Variants in ITFG1 observed in about 807,000 individuals in gnomAD.
ITFG1 encodes the protein integrin alpha FG-GAP repeat containing 1, also known as T-cell immunomodulatory protein.
In ITFG1, 34 loss-of-function variants were observed where a neutral mutation model predicts 81.8. The observed-to-expected ratio is 0.42, with a 90% confidence interval of 0.32 to 0.55. The LOEUF (loss-of-function observed/expected upper bound fraction) is 0.55, where lower values mean the gene tolerates loss of function less well. ITFG1 is among the 20% of genes least tolerant of loss of function. ITFG1 has a pLI of 0.17. For synonymous variants in ITFG1, 285 were observed against 270.6 expected, an observed-to-expected ratio of 1.05 and a Z score of -0.52; for missense variants, 672 against 755.4, an observed-to-expected ratio of 0.89 and a Z score of 1.29.
rs201910140 is a variant in ITFG1, at chr16:47,313,691, T to TA, written c.897+37dup. 6,941 of 1,119,416 alleles carry TA rather than the reference T, an allele frequency of 6.2e-3. 29 individuals are homozygous for TA. Among genetic ancestry groups the TA allele is most frequent in the African/African-American group, 0.024 (1,476 of 62,672 alleles). The allele number at this position is 1,119,416 out of a possible 1,614,324, so 69.3% of individuals were successfully genotyped here. On this transcript the variant is annotated intron_variant, in intron 9 of 17. Transcript: ENST00000320640. ...CTTAGAAGATTTTTTTCCAAGCACA[T>TA]AAAAAAAAATGTTTACATTAAAAAC...
intron 10 of ITFG1, among the ~76,000 whole-genome samples, chr16:47,281,573 C>CAATGAAATA (rs1028333485): frequency 6.6e-6 from 1 of 152,152 alleles, no homozygotes; most frequent in African/African-American, 2.4e-5. Flanking sequence ...ACAATGGTTC[C>CAATGAAATA]TATGATCTAT....
At chr16:47,319,649 C>T (rs1041774709) in intron 8 of ITFG1, among the ~76,000 whole-genome samples, 2 of 152,158 alleles carry the variant, frequency 1.3e-5, no homozygotes, top group East Asian at 3.9e-4. Context: ...GTGAAACTGA[C>T]CACGTTTCTT....
chr16:47,346,047 A>G (rs1967850332), intron 8 of ITFG1, among the ~76,000 whole-genome samples: 1 of 152,206 alleles, frequency 6.6e-6, no homozygotes, highest in Non-Finnish European at 1.5e-5. Flanking sequence ...AGAACTTTCC[A>G]TCCAATGGCA....
At chr16:47,413,756 A>G (rs1362805386) in intron 6 of ITFG1, among the ~76,000 whole-genome samples, 12 of 152,160 alleles carry the variant, frequency 7.9e-5, no homozygotes, top group Admixed American at 6.5e-4. Context: ...ATCAAATAAA[A>G]TATCATTTGA....
Position 47,282,745 on chromosome 16 carries a change from C to T in ITFG1, c.1071-22050G>A, listed in dbSNP as rs373675564. On this transcript the variant is annotated intron_variant, in intron 10 of 17. Transcript: ENST00000320640. ...AAGTGGCCCCTTTTCTCCACATCCT[C>T]GCCAACATGTTGTTTTTTGACTTAA... Among the ~76,000 whole-genome samples, 87 of 152,240 alleles carry T rather than the reference C, an allele frequency of 5.7e-4. No homozygotes were observed. The Middle Eastern group carries it at 0.02, about 36-fold the overall frequency.
At chr16:47,227,697 A>G (rs1363730126) in intron 13 of ITFG1, among the ~76,000 whole-genome samples, 1 of 152,164 alleles carries the variant, frequency 6.6e-6, no homozygotes, top group Non-Finnish European at 1.5e-5. Context: ...GGGCTCCTAT[A>G]GTGGAGCGCA....
chr16:47,191,465 ATTC>A (rs796259929), intron 14 of ITFG1, among the ~76,000 whole-genome samples: 20 of 152,028 alleles, frequency 1.3e-4, no homozygotes, highest in African/African-American at 3.9e-4. Flanking sequence ...GCCCAAGACA[ATTC>A]TTCTTCTTCC....
At chr16:47,360,393 A>G (rs1263375642) in intron 8 of ITFG1, among the ~76,000 whole-genome samples, 1 of 152,146 alleles carries the variant, frequency 6.6e-6, no homozygotes, top group African/African-American at 2.4e-5. Flanking sequence ...CTAGTGTTCA[A>G]TGTCCCTTTT....
intron 12 of ITFG1, 75 bp downstream of exon 12, chr16:47,258,557 T>C (rs760185625): frequency 1.4e-5 from 10 of 726,296 alleles, no homozygotes; most frequent in Non-Finnish European, 2.2e-5. Context: ...CATCGGAGCA[T>C]GTCCTTGCTC....
chr16:47,377,733 G>A (rs1968345233), intron 6 of ITFG1, among the ~76,000 whole-genome samples: 3 of 152,116 alleles, frequency 2.0e-5, no homozygotes, highest in Admixed American at 1.3e-4. Flanking sequence ...TCACGGCAGT[G>A]ATTACAACCT....
In ITFG1 at chr16:47,311,371, G is replaced by A; in HGVS notation, c.939C>T (p.Leu313=). 6.2e-7 allele frequency: 1 copy of A among 1,613,658 alleles called. No homozygotes were observed. Among genetic ancestry groups the A allele is most frequent in the Non-Finnish European group, 8.5e-7 (1 of 1,179,712 alleles). The part of the protein sequence containing the change: ...VLQDFSNKGT[L]WGFVPFVDEQ... Reference sequence around the variant, plus strand: ...CATCCACAAATGGCACAAAGCCCCAGAGTGTGCCCTTATTGCTGAAATCTT... The same window carrying A: ...CATCCACAAATGGCACAAAGCCCCAAAGTGTGCCCTTATTGCTGAAATCTT... The change falls in exon 10 of 18, where the codon CTC becomes CTT. Residue 313 remains leucine, a synonymous_variant. Transcript: ENST00000320640.
intron 12 of ITFG1, among the ~76,000 whole-genome samples, chr16:47,257,013 C>G (rs1217274692): frequency 6.6e-6 from 1 of 152,194 alleles, no homozygotes. Context: ...TAATATGATA[C>G]AAAGCATCTA....
At chr16:47,235,422 G>C (rs750147948) in intron 13 of ITFG1, among the ~76,000 whole-genome samples, 10 of 152,202 alleles carry the variant, frequency 6.6e-5, no homozygotes, top group Admixed American at 1.3e-4. Context: ...GCTGTGGTCA[G>C]AGTTGGATAA....
intron 6 of ITFG1, among the ~76,000 whole-genome samples, chr16:47,416,963 A>C (rs780710094): frequency 8.5e-5 from 13 of 152,246 alleles, no homozygotes; most frequent in Non-Finnish European, 7.3e-5. Flanking sequence ...TAGCGGGACT[A>C]CTGCTTACTA....
intron 14 of ITFG1, among the ~76,000 whole-genome samples, chr16:47,198,682 C>A (rs773604661): frequency 9.2e-5 from 14 of 152,084 alleles, no homozygotes; most frequent in Non-Finnish European, 1.9e-4. Context: ...GTGTTTATTG[C>A]CCCTGAAGAC....
intron 13 of ITFG1, among the ~76,000 whole-genome samples, chr16:47,236,512 G>A (rs537493112): frequency 1.2e-4 from 18 of 149,674 alleles, no homozygotes; most frequent in African/African-American, 4.4e-4. Flanking sequence ...CACCTGCCTT[G>A]GCTATACAGC....
intron 6 of ITFG1, among the ~76,000 whole-genome samples, chr16:47,399,947 A>G (rs1190821754): frequency 6.6e-6 from 1 of 152,238 alleles, no homozygotes; most frequent in Non-Finnish European, 1.5e-5. Context: ...TCAGAATGGA[A>G]GGAAATCACA....
chr16:47,247,493 A>T (rs919734914), intron 12 of ITFG1, among the ~76,000 whole-genome samples: 3 of 152,152 alleles, frequency 2.0e-5, no homozygotes, highest in Admixed American at 6.5e-5. Flanking sequence ...TCTGACACCA[A>T]TGCTGGCTCA....
intron 14 of ITFG1, among the ~76,000 whole-genome samples, chr16:47,204,525 C>A (rs1309149930): frequency 6.6e-6 from 1 of 152,114 alleles, no homozygotes; most frequent in African/African-American, 2.4e-5. Context: ...GTTTTTAAAA[C>A]ATTTGTTTTT....
Sources: gnomAD v4.1 joint callset for allele counts (sites outside exome capture counted in the v4.1 genomes callset) on GRCh38, gnomAD v4.1.1 for gene constraint, MANE v1.5 for transcripts, NCBI Gene and HGNC (gene_info 2026-07-23, HGNC 2026-07-21) for gene names.